SLC8A1: variants seen among roughly 807,000 people sequenced by gnomAD.
The protein encoded by SLC8A1 is solute carrier family 8 member A1, also known as sodium/calcium exchanger 1.
A neutral mutation model predicts 68.3 loss-of-function variants in SLC8A1; 18 were observed. The ratio of observed to expected loss-of-function variants is 0.26; its 90% CI spans 0.18 to 0.39. SLC8A1 has a LOEUF of 0.39. SLC8A1 is among the 10% of genes least tolerant of loss of function. SLC8A1 has a pLI of 1.00. For synonymous variants in SLC8A1, 475 were observed against 415.5 expected, an observed-to-expected ratio of 1.14 and a Z score of -1.74; for missense variants, 985 against 1,156.7, an observed-to-expected ratio of 0.85 and a Z score of 2.15.
exon 8 of SLC8A1, chr2:40,108,467 T>C (rs929980699): frequency 2.6e-5 from 4 of 152,194 alleles, no homozygotes; most frequent in African/African-American, 9.6e-5. Context: ...AACACATTTT[T>C]GTGCCAATTC....
At chr2:40,247,588 C>T (rs573372074) in intron 2 of SLC8A1, among the ~76,000 whole-genome samples, 2 of 152,276 alleles carry the variant, frequency 1.3e-5, no homozygotes, top group African/African-American at 4.8e-5. Context: ...AGTCACGTGT[C>T]ACATTAGCTG....
chr2:40,287,283 T>G (rs2068473682), intron 2 of SLC8A1, among the ~76,000 whole-genome samples: 1 of 152,076 alleles, frequency 6.6e-6, no homozygotes, highest in African/African-American at 2.4e-5. Flanking sequence ...CAAGTTTAGG[T>G]GTAGAATTCA....
intron 2 of SLC8A1, among the ~76,000 whole-genome samples, chr2:40,360,242 C>T (rs533172224): frequency 4.6e-5 from 7 of 152,218 alleles, no homozygotes; most frequent in South Asian, 4.1e-4. Flanking sequence ...CTAGGCACTC[C>T]GTAAATAAAG....
At chr2:40,160,694 G>A in intron 6 of SLC8A1, 71 bp downstream of exon 9, 2 of 1,354,086 alleles carry the variant, frequency 1.5e-6, no homozygotes, top group Non-Finnish European at 1.1e-6. Flanking sequence ...CATAGACCAA[G>A]TAGCCACAGT....
At chr2:40,217,939 A>G (rs1371118512) in intron 2 of SLC8A1, among the ~76,000 whole-genome samples, 3 of 151,770 alleles carry the variant, frequency 2.0e-5, no homozygotes, top group African/African-American at 7.3e-5. Flanking sequence ...ATTCTGAGAT[A>G]AAATAGCTGT....
intron 2 of SLC8A1, among the ~76,000 whole-genome samples, chr2:40,277,414 C>A (rs904285484): frequency 1.3e-5 from 2 of 152,018 alleles, no homozygotes; most frequent in Admixed American, 1.3e-4. Flanking sequence ...GTGGTGGGTG[C>A]CTGTAATCCC....
intron 4 of SLC8A1, among the ~76,000 whole-genome samples, chr2:40,172,143 A>G (rs1270953441): frequency 6.6e-6 from 1 of 152,200 alleles, no homozygotes; most frequent in Non-Finnish European, 1.5e-5. Flanking sequence ...TTCCAAGAAA[A>G]AAAGTTCTTT....
chr2:40,221,181 C>T (rs961687228), intron 2 of SLC8A1, among the ~76,000 whole-genome samples: 3 of 152,108 alleles, frequency 2.0e-5, no homozygotes, highest in Non-Finnish European at 4.4e-5. Context: ...ACCTTATCCA[C>T]CATGATCAAG....
chr2:40,258,302 T>G (rs902481954), intron 2 of SLC8A1, among the ~76,000 whole-genome samples: 2 of 152,200 alleles, frequency 1.3e-5, no homozygotes, highest in Admixed American at 6.5e-5. Flanking sequence ...CTGTGAGTGC[T>G]GGCATGCCAA....
chr2:40,406,628 G>T (rs1405077682), intron 2 of SLC8A1, among the ~76,000 whole-genome samples: 1 of 152,146 alleles, frequency 6.6e-6, no homozygotes, highest in Non-Finnish European at 1.5e-5. Context: ...GGACTGATAA[G>T]ATCAGTGTGG....
At chr2:40,423,353 T>C (rs938842318) in intron 2 of SLC8A1, among the ~76,000 whole-genome samples, 2 of 152,104 alleles carry the variant, frequency 1.3e-5, no homozygotes, top group Non-Finnish European at 2.9e-5. Context: ...ATGAAATTTG[T>C]ACTTATCAGA....
chr2:40,442,832 T>C (rs183883208), intron 1 of SLC8A1, among the ~76,000 whole-genome samples: 2 of 152,078 alleles, frequency 1.3e-5, no homozygotes, highest in South Asian at 2.1e-4. Flanking sequence ...ATATTTACAA[T>C]AGCAAAGACT....
exon 2 of SLC8A1, chr2:40,430,027 A>G: frequency 6.2e-7 from 1 of 1,613,952 alleles, no homozygotes; most frequent in Middle Eastern, 1.6e-4. Context: ...CATGTAGACC[A>G]TGGCCACAAA....
chr2:40,192,569 G>T (rs2052084189), intron 2 of SLC8A1, among the ~76,000 whole-genome samples: 1 of 152,050 alleles, frequency 6.6e-6, no homozygotes, highest in South Asian at 2.1e-4. Context: ...GGAAAGCTTT[G>T]CAGGGCATCT....
chr2:40,278,163 C>T (rs1053132650), intron 2 of SLC8A1, among the ~76,000 whole-genome samples: 8 of 151,782 alleles, frequency 5.3e-5, no homozygotes, highest in Admixed American at 4.6e-4. Flanking sequence ...ATTTATTTAC[C>T]TGTATCTCTA....
At chr2:40,194,816 C>A (rs1460240824) in intron 2 of SLC8A1, among the ~76,000 whole-genome samples, 1 of 151,962 alleles carries the variant, frequency 6.6e-6, no homozygotes, top group African/African-American at 2.4e-5. Context: ...GAGGCCAAGA[C>A]TGGAACTCAA....
At chr2:40,410,469 C>G (rs1691763893) in intron 2 of SLC8A1, among the ~76,000 whole-genome samples, 1 of 151,862 alleles carries the variant, frequency 6.6e-6, no homozygotes, top group Non-Finnish European at 1.5e-5. Flanking sequence ...AAGAAGAAAA[C>G]TTTAGAGATA....
chr2:40,252,811 T>TAGAC (rs2062994714), intron 2 of SLC8A1, among the ~76,000 whole-genome samples: 1 of 145,220 alleles, frequency 6.9e-6, no homozygotes, highest in African/African-American at 2.6e-5. Flanking sequence ...TATATGTACA[T>TAGAC]ATACATATAT....
rs1203266253 is a variant in SLC8A1 at position 40,407,719 on chromosome 2, TC to T, written c.1808+20753del. On this transcript the variant is annotated intron_variant, in intron 2 of 7. Transcript: ENST00000406785. ...ATCCTCTATCTTGTTTACCCTTATG[TC>T]CCCAACTTCCTGGCACTTTGTGAAT... Among the ~76,000 whole-genome samples the T allele has an allele frequency of 2.0e-5, 3 of 152,212 alleles. No individual in the cohort carries two copies. In the East Asian group the frequency reaches 5.8e-4, roughly 29 times the overall value.
Sources: gnomAD v4.1 joint callset for allele counts (sites outside exome capture counted in the v4.1 genomes callset) on GRCh38, gnomAD v4.1.1 for gene constraint, MANE v1.5 for transcripts, NCBI Gene and HGNC (gene_info 2026-07-23, HGNC 2026-07-21) for gene names.